Variants in CACNA1C observed in about 807,000 individuals in gnomAD.
CACNA1C encodes the protein calcium voltage-gated channel subunit alpha1 C.
Under a neutral mutation model 229.0 loss-of-function variants are expected in CACNA1C, and 30 were observed. The ratio of observed to expected loss-of-function variants is 0.13; its 90% CI spans 0.10 to 0.18. The LOEUF is 0.18. Ranked by LOEUF, CACNA1C falls within the 10% of genes least tolerant of loss-of-function variation. The probability of loss-of-function intolerance (pLI) is 1.00; values close to 1 mark genes in which losing one functional copy is unlikely to be tolerated. For synonymous variants in CACNA1C, 1,114 were observed against 1,132.5 expected (o/e 0.98, Z 0.33); for missense variants, 1,658 against 2,845.0 (o/e 0.58, Z 9.49).
chr12:2,616,291 C>T (rs1006993263), intron 29 of CACNA1C, among the ~76,000 whole-genome samples: 7 of 152,238 alleles, frequency 4.6e-5, no homozygotes, highest in African/African-American at 1.7e-4. Context: ...TGGGCCTCCT[C>T]AGCCCAGCTG....
chr12:2,139,664 C>T (rs2093940928), intron 3 of CACNA1C, among the ~76,000 whole-genome samples: 1 of 151,228 alleles, frequency 6.6e-6, no homozygotes, highest in Non-Finnish European at 1.5e-5. Flanking sequence ...GCCTGAGGGA[C>T]CGTGGCATGT....
intron 9 of CACNA1C, among the ~76,000 whole-genome samples, chr12:2,535,549 C>A (rs1006931873): frequency 1.8e-4 from 24 of 132,390 alleles, no homozygotes; most frequent in African/African-American, 4.5e-4. Flanking sequence ...AAAAAAAAAA[C>A]AAAATAATTA....
At chr12:2,340,921 C>T (rs1012015736) in intron 3 of CACNA1C, among the ~76,000 whole-genome samples, 1 of 151,608 alleles carries the variant, frequency 6.6e-6, no homozygotes, top group Non-Finnish European at 1.5e-5. Context: ...TGTGCCACTG[C>T]ACCCCAGCCT....
Position 2,566,639 on chromosome 12 carries a change from C to A in CACNA1C, c.1669+57C>A. On this transcript the variant is annotated intron_variant, in intron 12 of 46. Coordinates refer to ENST00000399655, the MANE Select transcript of CACNA1C (RefSeq NM_000719.7). The surrounding 1 kb of genome is among the most constrained non-coding windows in gnomAD (Gnocchi z 4.0). ...CCTCCTGGTAACTCAGCCCCAAGGC[C>A]CAGGGGAGGGCATAACCACAGGCAG... is the stretch of plus-strand genomic sequence containing the variant. The A allele has an allele frequency of 2.8e-6, 4 of 1,451,472 alleles. No homozygotes were observed. The allele number at this position is 1,451,472 out of a possible 1,614,324, so 89.9% of individuals were successfully genotyped here.
At chr12:2,568,436 C>G (rs1226522463) in intron 13 of CACNA1C, among the ~76,000 whole-genome samples, 1 of 152,170 alleles carries the variant, frequency 6.6e-6, no homozygotes, top group African/African-American at 2.4e-5. Flanking sequence ...GATAGGATTA[C>G]CCTCTCATCC....
Position 2,504,959 on chromosome 12 carries a change from A to T in CACNA1C, c.1217+14A>T. 8.1e-7 allele frequency: 1 copy of T among 1,239,104 alleles called. No homozygotes were observed. Among genetic ancestry groups the T allele is most frequent in the Non-Finnish European group, 1.2e-6 (1 of 840,928 alleles). The allele number at this position is 1,239,104 out of a possible 1,614,324, so 76.8% of individuals were successfully genotyped here. ...TGTGCTTAGCGGGTAAGCAGGACCA[A>T]GGAAAAAGGTCTTGATTTTTCCATT... On this transcript the variant is annotated intron_variant, in intron 8 of 46. Coordinates refer to ENST00000399655, the MANE Select transcript of CACNA1C (RefSeq NM_000719.7). The surrounding 1 kb of genome is among the most constrained non-coding windows in gnomAD (Gnocchi z 6.8).
chr12:2,393,373 CA>C (rs1423644191), intron 3 of CACNA1C, among the ~76,000 whole-genome samples: 1 of 152,236 alleles, frequency 6.6e-6, no homozygotes, highest in Non-Finnish European at 1.5e-5. Flanking sequence ...GGCCCTCCAC[CA>C]TCTCCTGCTC....
At chr12:2,402,484 C>G (rs1253398836) in intron 3 of CACNA1C, among the ~76,000 whole-genome samples, 1 of 152,240 alleles carries the variant, frequency 6.6e-6, no homozygotes, top group East Asian at 1.9e-4. Context: ...ATGTGAACAG[C>G]AAAGGGTTTG....
intron 3 of CACNA1C, among the ~76,000 whole-genome samples, chr12:2,270,719 G>A (rs2084566922): frequency 6.6e-6 from 1 of 152,232 alleles, no homozygotes; most frequent in Non-Finnish European, 1.5e-5. Flanking sequence ...GATGTCTTAA[G>A]TAGGGCTCGT....
intron 3 of CACNA1C, among the ~76,000 whole-genome samples, chr12:2,173,231 T>C (rs181316215): frequency 2.6e-5 from 4 of 152,294 alleles, no homozygotes; most frequent in African/African-American, 9.6e-5. Context: ...AGGAAAGGGT[T>C]GTGGGTCACA....
In CACNA1C at chr12:2,285,746, A is replaced by G. The variant is rs939022700; in HGVS notation, c.478-163230A>G. 1.3e-5 allele frequency among the ~76,000 whole-genome samples: 2 copies of G among 152,086 alleles called. No homozygotes were observed. Among genetic ancestry groups the G allele is most frequent in the Admixed American group, 6.5e-5 (1 of 15,274 alleles). On this transcript the variant is annotated intron_variant, in intron 3 of 46. Coordinates refer to ENST00000399655, the MANE Select transcript of CACNA1C (RefSeq NM_000719.7). The surrounding 1 kb of genome is among the most constrained non-coding windows in gnomAD (Gnocchi z 4.2). Reference sequence around the variant, plus strand: ...TACTCTTTTTCTCAACCTGTTGCTAACGTGCTCATTCGAGAGAGGCTGGTG... The same window carrying G: ...TACTCTTTTTCTCAACCTGTTGCTAGCGTGCTCATTCGAGAGAGGCTGGTG...
intron 29 of CACNA1C, among the ~76,000 whole-genome samples, chr12:2,621,474 G>A (rs964734376): frequency 1.6e-4 from 25 of 152,328 alleles, no homozygotes; most frequent in African/African-American, 5.3e-4. Context: ...TCAGGATCAC[G>A]GTGAGGGGTG....
intron 3 of CACNA1C, among the ~76,000 whole-genome samples, chr12:2,268,595 G>T (rs2083390490): frequency 6.6e-6 from 1 of 152,144 alleles, no homozygotes; most frequent in Non-Finnish European, 1.5e-5. Flanking sequence ...GGGAACAGTT[G>T]GACCTGTGGT....
At chr12:2,066,088 G>A (rs976470042) in intron 1 of CACNA1C, among the ~76,000 whole-genome samples, 1 of 152,138 alleles carries the variant, frequency 6.6e-6, no homozygotes, top group Non-Finnish European at 1.5e-5. Flanking sequence ...GAGGCTGCAG[G>A]TAGAGGGGCA....
At position 2,067,629 on chromosome 12, in the gene CACNA1C, G is replaced by C. The variant is rs941203197; in HGVS notation, c.49+14018G>C. On this transcript the variant is annotated intron_variant, in intron 1 of 46. Coordinates refer to ENST00000399655, the MANE Select transcript of CACNA1C (RefSeq NM_000719.7). This position sits in a 1 kb window ranked among gnomAD's most constrained non-coding sequence, Gnocchi z 5.3. ...GCAGCCCTGAGGTCACGTTTGTGAC[G>C]TGGATGGAAGGAAGCAGGGGATGGG... 6.6e-6 allele frequency among the ~76,000 whole-genome samples: 1 copy of C among 152,150 alleles called. No individual in the cohort carries two copies. The highest frequency in any genetic ancestry group is 6.5e-5 in the Admixed American group (1 of 15,280).
chr12:2,311,858 G>C (rs897265472), intron 3 of CACNA1C, among the ~76,000 whole-genome samples: 1 of 152,154 alleles, frequency 6.6e-6, no homozygotes, highest in Non-Finnish European at 1.5e-5. Flanking sequence ...GCATAATAAC[G>C]TGAATATACT....
chr12:2,206,610 C>G (rs961043467), intron 3 of CACNA1C, among the ~76,000 whole-genome samples: 4 of 152,230 alleles, frequency 2.6e-5, no homozygotes, highest in Non-Finnish European at 5.9e-5. Flanking sequence ...TACTCACTGT[C>G]CAATGAGTGT....
intron 29 of CACNA1C, among the ~76,000 whole-genome samples, chr12:2,622,952 A>C (rs556140000): frequency 1.3e-5 from 2 of 152,328 alleles, no homozygotes; most frequent in South Asian, 4.1e-4. Context: ...AACCCTGACC[A>C]CAGCAAGAAA....
intron 39 of CACNA1C, 50 bp downstream of exon 39, chr12:2,674,692 C>A (rs2096715330): frequency 6.7e-7 from 1 of 1,495,388 alleles, no homozygotes; most frequent in Non-Finnish European, 9.0e-7. Flanking sequence ...GGCCGTGCCC[C>A]CCTCTGCCTG....
Sources: gnomAD v4.1 joint callset for allele counts (sites outside exome capture counted in the v4.1 genomes callset) on GRCh38, gnomAD v4.1.1 for gene constraint, Gnocchi (gnomAD v3.1) non-coding constraint, MANE v1.5 for transcripts, NCBI Gene and HGNC (gene_info 2026-07-23, HGNC 2026-07-21) for gene names.